KIF3B: variants seen among roughly 807,000 people sequenced by gnomAD.
KIF3B encodes the protein kinesin-like protein KIF3B.
Under a neutral mutation model 74.3 loss-of-function variants are expected in KIF3B, and 38 were observed. The ratio of observed to expected loss-of-function variants is 0.51; its 90% CI spans 0.39 to 0.67. The LOEUF is 0.67. KIF3B is among the 30% of genes least tolerant of loss of function. The pLI is 0.00. For synonymous variants in KIF3B, 326 were observed against 342.5 expected (o/e 0.95, Z 0.53); for missense variants, 649 against 932.0 (o/e 0.70, Z 3.95).
At chr20:32,325,169 A>C (rs2047896417) in intron 5 of KIF3B, among the ~76,000 whole-genome samples, 2 of 152,032 alleles carry the variant, frequency 1.3e-5, no homozygotes, top group East Asian at 3.9e-4. Context: ...GTGGGTGATT[A>C]TGTTTTTTAC....
intron 1 of KIF3B, among the ~76,000 whole-genome samples, chr20:32,300,161 AG>A (rs1272456984): frequency 2.6e-5 from 4 of 151,474 alleles, no homozygotes; most frequent in Non-Finnish European, 5.9e-5. Context: ...GGAGTGCAGT[AG>A]GGCTATTATG....
intron 1 of KIF3B, among the ~76,000 whole-genome samples, chr20:32,299,403 A>ATATATATATATATATTTTTTT (rs1555895046): frequency 1.1e-4 from 1 of 9,026 alleles, no homozygotes; most frequent in East Asian, 0.011. Flanking sequence ...ATATATATAT[A>ATATATATATATATATTTTTTT]TTTTTTTTTT....
At position 32,312,544 on chromosome 20, in the gene KIF3B, G is replaced by A. The variant is rs139396961; in HGVS notation, c.1404+1363G>A. On this transcript the variant is annotated intron_variant, in intron 2 of 8. Coordinates refer to ENST00000375712, the MANE Select transcript of KIF3B (RefSeq NM_004798.4). The stretch of plus-strand genomic sequence containing the variant: ...ATATTTCTAAAGAAAACATGGTTTC[G>A]TTTTCATATAATTTTTTGCTTTTAT... 5.5e-4 allele frequency among the ~76,000 whole-genome samples: 84 copies of A among 152,156 alleles called. No individual in the cohort carries two copies. The East Asian group carries it at 0.015, about 27-fold the overall frequency.
chr20:32,282,648 T>C (rs2047648680), intron 1 of KIF3B, among the ~76,000 whole-genome samples: 2 of 152,194 alleles, frequency 1.3e-5, no homozygotes, highest in South Asian at 4.1e-4. Flanking sequence ...CTTTCTGTCT[T>C]GTGCTGTTGG....
chr20:32,318,692 T>C (rs2047840938), intron 5 of KIF3B, among the ~76,000 whole-genome samples: 1 of 152,218 alleles, frequency 6.6e-6, no homozygotes, highest in Non-Finnish European at 1.5e-5. Context: ...AATATTGCAC[T>C]GTATGAATAG....
chr20:32,294,308 G>GC lies in KIF3B; in HGVS notation c.-65-15404dup, dbSNP rs541519017. 1.7e-3 allele frequency among the ~76,000 whole-genome samples: 261 copies of GC among 152,246 alleles called. 3 individuals are homozygous for GC. Among genetic ancestry groups the GC allele is most frequent in the Admixed American group, 2.6e-3 (40 of 15,288 alleles). ...TGGCGCCAGTTTGAATTCAGGGCAG[G>GC]CATTTATTGTCCTTGTTACTTGACT... is the stretch of plus-strand genomic sequence containing the variant. On this transcript the variant is annotated intron_variant, in intron 1 of 8. Coordinates refer to ENST00000375712, the MANE Select transcript of KIF3B (RefSeq NM_004798.4).
intron 1 of KIF3B, among the ~76,000 whole-genome samples, chr20:32,295,585 G>A (rs369779937): frequency 6.6e-6 from 1 of 151,536 alleles, no homozygotes; most frequent in Non-Finnish European, 1.5e-5. Context: ...GAGCCACCAC[G>A]CCTGGCTGAC....
chr20:32,322,595 G>A (rs1466280454), intron 5 of KIF3B, among the ~76,000 whole-genome samples: 8 of 131,370 alleles, frequency 6.1e-5, no homozygotes, highest in East Asian at 2.1e-4. Flanking sequence ...GCGACAGAGC[G>A]AGAATCCGTC....
intron 1 of KIF3B, among the ~76,000 whole-genome samples, chr20:32,289,277 C>T (rs929300764): frequency 2.6e-5 from 4 of 151,054 alleles, no homozygotes; most frequent in African/African-American, 7.3e-5. Flanking sequence ...TCACTGCAAC[C>T]TCTGCCTCCT....
chr20:32,313,855 C>T (rs1371987435), intron 2 of KIF3B, among the ~76,000 whole-genome samples: 1 of 152,090 alleles, frequency 6.6e-6, no homozygotes, highest in Middle Eastern at 3.2e-3. Flanking sequence ...TACAGGTGTG[C>T]ACTGCCATGC....
chr20:32,300,791 G>T (rs1305945849), intron 1 of KIF3B, among the ~76,000 whole-genome samples: 1 of 152,152 alleles, frequency 6.6e-6, no homozygotes, highest in Non-Finnish European at 1.5e-5. Context: ...CATATGCAAA[G>T]CTTTTTACTA....
chr20:32,290,317 A>C (rs1251557068), intron 1 of KIF3B, among the ~76,000 whole-genome samples: 1 of 152,010 alleles, frequency 6.6e-6, no homozygotes, highest in Non-Finnish European at 1.5e-5. Flanking sequence ...TGGGAGGTGG[A>C]AGTTGCAGTG....
At chr20:32,290,256 G>A (rs576334217) in intron 1 of KIF3B, among the ~76,000 whole-genome samples, 1 of 152,096 alleles carries the variant, frequency 6.6e-6, no homozygotes, top group African/African-American at 2.4e-5. Context: ...GGTGGCAGGC[G>A]CCTGTAATCC....
chr20:32,277,681 A>C lies in KIF3B; in HGVS notation c.-150A>C. 1 of 245,956 alleles carries C rather than the reference A, an allele frequency of 4.1e-6. No homozygotes were observed. The highest frequency in any genetic ancestry group is 7.5e-6 in the Non-Finnish European group (1 of 133,438). The allele number at this position is 245,956 out of a possible 1,614,324, so 15.2% of individuals were successfully genotyped here. A position where few individuals can be genotyped will look rare whatever the true frequency, so the allele number is the denominator to read the frequency against. ...CTCTCCCCATCCGGGGCAGCGGGGAATGGCTGAGCCAGGGGTTCGCCGCCC... is the reference window on the plus strand; with the variant it reads ...CTCTCCCCATCCGGGGCAGCGGGGACTGGCTGAGCCAGGGGTTCGCCGCCC... On this transcript the variant is annotated 5_prime_UTR_variant, in exon 1 of 9. The change abolishes an upstream ATG in the 5' untranslated region. Coordinates refer to ENST00000375712, the MANE Select transcript of KIF3B (RefSeq NM_004798.4).
At chr20:32,283,942 G>T (rs1411129196) in intron 1 of KIF3B, among the ~76,000 whole-genome samples, 1 of 149,256 alleles carries the variant, frequency 6.7e-6, no homozygotes, top group Non-Finnish European at 1.5e-5. Flanking sequence ...AGAAAACTTG[G>T]TCTCACTCTG....
At chr20:32,296,566 C>A (rs1190104808) in intron 1 of KIF3B, among the ~76,000 whole-genome samples, 2 of 151,922 alleles carry the variant, frequency 1.3e-5, no homozygotes, top group Non-Finnish European at 2.9e-5. Context: ...CCACAGCACT[C>A]CAGCCTGGGT....
At chr20:32,295,495 G>A (rs1461001341) in intron 1 of KIF3B, among the ~76,000 whole-genome samples, 6 of 151,942 alleles carry the variant, frequency 3.9e-5, no homozygotes, top group African/African-American at 7.3e-5. Context: ...GGGTTTCACC[G>A]TGTTAGCCAG....
At chr20:32,318,773 T>C (rs1004836419) in intron 5 of KIF3B, among the ~76,000 whole-genome samples, 2 of 152,214 alleles carry the variant, frequency 1.3e-5, no homozygotes, top group African/African-American at 4.8e-5. Flanking sequence ...TTATGGATAA[T>C]ACTTCTATAA....
chr20:32,305,295 T>C (rs2047764549), intron 1 of KIF3B, among the ~76,000 whole-genome samples: 1 of 152,042 alleles, frequency 6.6e-6, no homozygotes, highest in East Asian at 1.9e-4. Flanking sequence ...GCCTGGGAGG[T>C]CAAGGCTGCA....
Sources: gnomAD v4.1 joint callset for allele counts (sites outside exome capture counted in the v4.1 genomes callset) on GRCh38, gnomAD v4.1.1 for gene constraint, MANE v1.5 for transcripts, NCBI Gene and HGNC (gene_info 2026-07-23, HGNC 2026-07-21) for gene names.